CTNNA2: variants seen among roughly 807,000 people sequenced by gnomAD.
CTNNA2 encodes catenin alpha 2.
CTNNA2 carries 42 observed loss-of-function variants against 101.0 expected under a neutral mutation model. That is an observed-to-expected ratio of 0.42 (90% CI 0.32 to 0.54). The LOEUF (loss-of-function observed/expected upper bound fraction) is 0.54, where lower values mean the gene tolerates loss of function less well. CTNNA2 is among the 20% of genes least tolerant of loss of function. The probability of loss-of-function intolerance (pLI) is 0.14; values close to 1 mark genes in which losing one functional copy is unlikely to be tolerated. For missense variants in CTNNA2, 871 were observed against 1,223.1 expected (o/e 0.71, Z 4.29); for synonymous variants, 450 against 456.4 (o/e 0.99, Z 0.18).
At chr2:79,675,281 T>C (rs888629048) in intron 2 of CTNNA2, among the ~76,000 whole-genome samples, 9 of 152,208 alleles carry the variant, frequency 5.9e-5, no homozygotes, top group African/African-American at 1.4e-4. Flanking sequence ...TAATTGGTAT[T>C]GATTCAAATT....
At chr2:79,325,712 A>G (rs1676731189) in intron 3 of CTNNA2, among the ~76,000 whole-genome samples, 1 of 152,194 alleles carries the variant, frequency 6.6e-6, no homozygotes, top group Non-Finnish European at 1.5e-5. Context: ...CAGCCTCCCC[A>G]GAATCTCAGG....
intron 7 of CTNNA2, among the ~76,000 whole-genome samples, chr2:80,064,367 A>T (rs770362507): frequency 6.6e-6 from 1 of 152,214 alleles, no homozygotes; most frequent in Non-Finnish European, 1.5e-5. Flanking sequence ...AGGTGGTCTG[A>T]TCAGTGAACC....
At chr2:80,571,560 G>A (rs568692368) in intron 12 of CTNNA2, among the ~76,000 whole-genome samples, 1 of 148,872 alleles carries the variant, frequency 6.7e-6, no homozygotes, top group South Asian at 2.2e-4. Context: ...GTAAGAACAT[G>A]TACAAATGTA....
intron 7 of CTNNA2, among the ~76,000 whole-genome samples, chr2:80,036,016 A>T (rs1441808905): frequency 6.6e-6 from 1 of 152,230 alleles, no homozygotes; most frequent in African/African-American, 2.4e-5. Flanking sequence ...ATTCAGTCCC[A>T]CATGACGGTC....
chr2:80,244,591 C>A (rs1671186682), intron 7 of CTNNA2, among the ~76,000 whole-genome samples: 1 of 152,202 alleles, frequency 6.6e-6, no homozygotes, highest in African/African-American at 2.4e-5. Flanking sequence ...TATAAGGAAG[C>A]TAAGTCAGGC....
chr2:80,598,262 T>G (rs1697160243), intron 15 of CTNNA2, among the ~76,000 whole-genome samples: 1 of 151,876 alleles, frequency 6.6e-6, no homozygotes, highest in African/African-American at 2.4e-5. Flanking sequence ...TGAAAACACA[T>G]GGACACAGGG....
At chr2:80,128,345 C>A (rs1447366507) in intron 7 of CTNNA2, among the ~76,000 whole-genome samples, 1 of 152,050 alleles carries the variant, frequency 6.6e-6, no homozygotes, top group East Asian at 1.9e-4. Flanking sequence ...CTATGAGAGG[C>A]ACTTAACCTC....
intron 2 of CTNNA2, among the ~76,000 whole-genome samples, chr2:79,305,225 T>C (rs13415685): frequency 0.072 from 10,897 of 151,476 alleles, 482 homozygotes; most frequent in African/African-American, 0.11. Context: ...CACACAAATA[T>C]ATATATACAC....
At chr2:79,217,933 G>C (rs1674287796) in intron 2 of CTNNA2, among the ~76,000 whole-genome samples, 1 of 152,160 alleles carries the variant, frequency 6.6e-6, no homozygotes, top group Non-Finnish European at 1.5e-5. Context: ...CAGGTACGGA[G>C]CACATGCTTA....
chr2:80,257,836 C>T (rs1672292536), intron 7 of CTNNA2, among the ~76,000 whole-genome samples: 2 of 152,244 alleles, frequency 1.3e-5, no homozygotes, highest in African/African-American at 4.8e-5. Context: ...GGGAAGTCTA[C>T]ACCCGGGCAA....
chr2:79,808,673 C>T (rs75478872), intron 3 of CTNNA2, among the ~76,000 whole-genome samples: 17,671 of 151,880 alleles, frequency 0.12, 1,189 homozygotes, highest in Admixed American at 0.17. Context: ...TTTTTTCCTA[C>T]GAGTTTTATA....
intron 9 of CTNNA2, among the ~76,000 whole-genome samples, chr2:80,486,774 T>C (rs951138208): frequency 2.0e-5 from 3 of 152,216 alleles, no homozygotes; most frequent in Non-Finnish European, 4.4e-5. Context: ...ACATTTTATA[T>C]ATGACCTTAC....
At chr2:80,186,976 G>C (rs1187022137) in intron 7 of CTNNA2, among the ~76,000 whole-genome samples, 1 of 152,174 alleles carries the variant, frequency 6.6e-6, no homozygotes, top group East Asian at 1.9e-4. Flanking sequence ...ACTTACACTG[G>C]ATAGCATATT....
intron 4 of CTNNA2, among the ~76,000 whole-genome samples, chr2:79,482,122 T>G (rs920481547): frequency 7.9e-5 from 12 of 152,174 alleles, no homozygotes; most frequent in African/African-American, 2.7e-4. Context: ...TAATGAATGC[T>G]ATAATGGATT....
At chr2:79,671,618 A>T (rs1484985854) in intron 2 of CTNNA2, among the ~76,000 whole-genome samples, 1 of 152,238 alleles carries the variant, frequency 6.6e-6, no homozygotes, top group East Asian at 1.9e-4. Flanking sequence ...GCCAGAAGAA[A>T]CAATGAGAAA....
chr2:80,596,826 T>C (rs1697029269), intron 15 of CTNNA2, among the ~76,000 whole-genome samples: 1 of 152,140 alleles, frequency 6.6e-6, no homozygotes, highest in Non-Finnish European at 1.5e-5. Flanking sequence ...GCCCATTCAG[T>C]TTGATATTGG....
intron 7 of CTNNA2, among the ~76,000 whole-genome samples, chr2:80,170,091 T>C (rs776104615): frequency 7.9e-5 from 12 of 152,314 alleles, no homozygotes; most frequent in Non-Finnish European, 1.5e-4. Flanking sequence ...ATAACAATTC[T>C]CCTCTACCCC....
chr2:79,357,462 A>G (rs1474854518), intron 3 of CTNNA2, among the ~76,000 whole-genome samples: 1 of 152,194 alleles, frequency 6.6e-6, no homozygotes, highest in Non-Finnish European at 1.5e-5. Flanking sequence ...TTGAAAATTC[A>G]GTAAAGAACA....
At chr2:80,037,449 C>A (rs1244769217) in intron 7 of CTNNA2, among the ~76,000 whole-genome samples, 1 of 152,166 alleles carries the variant, frequency 6.6e-6, no homozygotes, top group Non-Finnish European at 1.5e-5. Flanking sequence ...AATTTTATTA[C>A]TACTCGAAGG....
Sources: gnomAD v4.1 joint callset for allele counts (sites outside exome capture counted in the v4.1 genomes callset) on GRCh38, gnomAD v4.1.1 for gene constraint, MANE v1.5 for transcripts, NCBI Gene and HGNC (gene_info 2026-07-23, HGNC 2026-07-21) for gene names.